Variants in ATRN observed in about 807,000 individuals in gnomAD.
The protein encoded by ATRN is attractin.
Under a neutral mutation model 178.7 loss-of-function variants are expected in ATRN, and 54 were observed. The ratio of observed to expected loss-of-function variants is 0.30; its 90% CI spans 0.24 to 0.38. ATRN has a LOEUF of 0.38. Ranked by LOEUF, ATRN falls within the 10% of genes least tolerant of loss-of-function variation. The pLI is 1.00. For missense variants in ATRN, 1,443 were observed against 1,815.1 expected, an observed-to-expected ratio of 0.79 and a Z score of 3.73; for synonymous variants, 636 against 663.0, an observed-to-expected ratio of 0.96 and a Z score of 0.63.
intron 1 of ATRN, among the ~76,000 whole-genome samples, chr20:3,512,107 A>ATTTTTT (rs755934394): frequency 1.5e-4 from 16 of 106,388 alleles, no homozygotes; most frequent in African/African-American, 5.8e-4. Flanking sequence ...ATATATATAT[A>ATTTTTT]TTTTTTTTTT....
intron 11 of ATRN, among the ~76,000 whole-genome samples, chr20:3,568,562 A>G (rs1042968615): frequency 6.6e-6 from 1 of 152,194 alleles, no homozygotes; most frequent in Non-Finnish European, 1.5e-5. Context: ...TCACAACTCT[A>G]TAAAGTAACT....
intron 1 of ATRN, among the ~76,000 whole-genome samples, chr20:3,506,257 G>A (rs891883791): frequency 4.6e-5 from 7 of 152,202 alleles, no homozygotes; most frequent in Admixed American, 1.3e-4. Flanking sequence ...AACTGCATGT[G>A]AGTCTGCTAT....
intron 28 of ATRN, among the ~76,000 whole-genome samples, chr20:3,646,073 T>C (rs1174889278): frequency 6.6e-6 from 1 of 152,174 alleles, no homozygotes; most frequent in African/African-American, 2.4e-5. Context: ...ACTAAGACTT[T>C]GTCAGTTCAC....
intron 3 of ATRN, among the ~76,000 whole-genome samples, chr20:3,544,843 T>TTA (rs2085675757): frequency 2.0e-5 from 3 of 151,528 alleles, no homozygotes; most frequent in Admixed American, 6.6e-5. Flanking sequence ...TTTTTTTTTT[T>TTA]ACCAGTCACA....
chr20:3,529,909 A>G (rs901779833), intron 1 of ATRN, among the ~76,000 whole-genome samples: 2 of 152,200 alleles, frequency 1.3e-5, no homozygotes, highest in African/African-American at 4.8e-5. Flanking sequence ...CTGTCAGGTT[A>G]GTTTAAGAAA....
At chr20:3,582,095 A>G (rs777331270) in intron 15 of ATRN, 40 bp from the exon 16 acceptor site, 14 of 1,551,766 alleles carry the variant, frequency 9.0e-6, no homozygotes, top group Non-Finnish European at 1.2e-5. Flanking sequence ...TTAAAAAAAG[A>G]TACTATCTGT....
In ATRN at chr20:3,490,718, AT is replaced by A. The variant is rs1381094059; in HGVS notation, c.410+19204del. The A allele has an allele frequency of 1.9e-5, 15 of 797,492 alleles. No individual in the cohort carries two copies. In the Admixed American group the frequency reaches 2.4e-4, roughly 13 times the overall value. The allele number at this position is 797,492 out of a possible 1,614,324, so 49.4% of individuals were successfully genotyped here. A position where few individuals can be genotyped will look rare whatever the true frequency, so the allele number is the denominator to read the frequency against. On this transcript the variant is annotated intron_variant, in intron 1 of 28. Transcript: ENST00000262919. ...TCACTGACATTGGCACACAGATCTC[AT>A]TTGGGTGCTTCTGGTGGAATTCCTT...
At chr20:3,611,494 T>C (rs1006120982) in intron 24 of ATRN, among the ~76,000 whole-genome samples, 1 of 152,150 alleles carries the variant, frequency 6.6e-6, no homozygotes, top group Non-Finnish European at 1.5e-5. Flanking sequence ...ATCCCAGCAC[T>C]TTGGGAGGCC....
chr20:3,567,218 A>G (rs999597404), intron 11 of ATRN, among the ~76,000 whole-genome samples: 6 of 152,202 alleles, frequency 3.9e-5, no homozygotes, highest in African/African-American at 1.2e-4. Flanking sequence ...TCTGAAACGC[A>G]GTGGGACCAT....
chr20:3,579,209 G>C (rs567889664), intron 15 of ATRN, among the ~76,000 whole-genome samples: 81 of 152,288 alleles, frequency 5.3e-4, no homozygotes, highest in African/African-American at 1.8e-3. Context: ...ATCTCAGCTG[G>C]ATGTGGTGGC....
intron 25 of ATRN, among the ~76,000 whole-genome samples, chr20:3,626,231 C>CAAAA (rs3084195): frequency 0.016 from 1,621 of 99,454 alleles, 36 homozygotes; most frequent in African/African-American, 0.058. Context: ...GACCCTGTCT[C>CAAAA]AAAAAAAAAA....
At chr20:3,573,898 C>T (rs553495723) in intron 12 of ATRN, among the ~76,000 whole-genome samples, 4 of 152,016 alleles carry the variant, frequency 2.6e-5, no homozygotes, top group East Asian at 3.9e-4. Context: ...CCACCATGCT[C>T]GGCTAGTTTT....
intron 25 of ATRN, among the ~76,000 whole-genome samples, chr20:3,627,894 C>T (rs948854817): frequency 3.9e-5 from 6 of 152,110 alleles, no homozygotes; most frequent in East Asian, 1.9e-4. Flanking sequence ...CTTTTTAGGC[C>T]GGGTGCAGTG....
At chr20:3,494,692 A>G (rs1049985301) in intron 1 of ATRN, among the ~76,000 whole-genome samples, 8 of 152,202 alleles carry the variant, frequency 5.3e-5, no homozygotes, top group South Asian at 2.1e-4. Flanking sequence ...AATGACTTAA[A>G]TTTTTGATAT....
chr20:3,606,454 G>T (rs1033423623), intron 24 of ATRN, among the ~76,000 whole-genome samples: 2 of 146,068 alleles, frequency 1.4e-5, no homozygotes, highest in African/African-American at 4.9e-5. Flanking sequence ...CCTGCATGTG[G>T]GACTTGTGGT....
At chr20:3,589,866 G>A (rs2086414988) in intron 18 of ATRN, among the ~76,000 whole-genome samples, 1 of 152,214 alleles carries the variant, frequency 6.6e-6, no homozygotes, top group Admixed American at 6.5e-5. Flanking sequence ...CATGGGTGTG[G>A]CAAGTGCCTC....
In ATRN at chr20:3,630,916, C is replaced by CTTTTTTTTTTTTTTT. The variant is rs368394749; in HGVS notation, c.3864-3361_3864-3347dup. 9.2e-5 allele frequency among the ~76,000 whole-genome samples: 4 copies of CTTTTTTTTTTTTTTT among 43,426 alleles called. 1 individual carries two copies. Among genetic ancestry groups the CTTTTTTTTTTTTTTT allele is most frequent in the Non-Finnish European group, 1.7e-4 (4 of 23,616 alleles). The allele number at this position is 43,426 out of a possible 152,430, so 28.5% of individuals were successfully genotyped here. Reference sequence around the variant, plus strand: ...ACCATGTCTAAAAGAATTTATTTAGCTTTTTTTTTTTTTTTTTTTTTTTTT... The same window carrying CTTTTTTTTTTTTTTT: ...ACCATGTCTAAAAGAATTTATTTAGCTTTTTTTTTTTTTTTTTTTTTTTTTTTTTTTTTTTTTTTT... On this transcript the variant is annotated intron_variant, in intron 25 of 28. Transcript: ENST00000262919.
Position 3,624,551 on chromosome 20 carries a change from A to G in ATRN, c.3842A>G (p.Gln1281Arg). The G allele has an allele frequency of 6.2e-7, 1 of 1,614,014 alleles. No individual in the cohort carries two copies. The highest frequency in any genetic ancestry group is 8.5e-7 in the Non-Finnish European group (1 of 1,179,942). ...SQHSNFMDLV[Q>R]FFVTFFSCFL... is the part of the protein sequence containing the mutation. ...CACAGCAATTTTATGGACCTGGTAC[A>G]GTTCTTCGTGACTTTCTTCAGGTAA... is the stretch of plus-strand genomic sequence containing the variant. The change falls in exon 25 of 29, where the codon CAG (glutamine) becomes CGG (arginine). Residue 1281 changes from glutamine (Q) to arginine (R), a missense_variant. Around this residue, in one of 4 missense-constraint regions of ATRN, gnomAD observed 289 missense variants for 440.8 expected, o/e 0.66. Transcript: ENST00000262919.
rs368394749 is a variant in ATRN, at chr20:3,630,916, CTTTTTTTTTTTTTTTTTTT to C, written c.3864-3365_3864-3347del. 1.2e-3 allele frequency among the ~76,000 whole-genome samples: 51 copies of C among 43,446 alleles called. 1 individual carries two copies. Among genetic ancestry groups the C allele is most frequent in the African/African-American group, 3.1e-3 (31 of 10,148 alleles). The allele number at this position is 43,446 out of a possible 152,430, so 28.5% of individuals were successfully genotyped here. A position where few individuals can be genotyped will look rare whatever the true frequency, so the allele number is the denominator to read the frequency against. ...ACCATGTCTAAAAGAATTTATTTAG[CTTTTTTTTTTTTTTTTTTT>C]TTTTTTTTTTTTTTTTTTTTTTTTT... On this transcript the variant is annotated intron_variant, in intron 25 of 28. Coordinates refer to ENST00000262919, the MANE Select transcript of ATRN (RefSeq NM_139321.3).
Sources: allele counts gnomAD v4.1 joint callset (sites outside exome capture counted in the v4.1 genomes callset), GRCh38; gene constraint gnomAD v4.1.1; regional missense constraint gnomAD v4.1.1; transcripts MANE v1.5; gene names NCBI Gene and HGNC (gene_info 2026-07-23, HGNC 2026-07-21).